The following AKAP7 variants were observed in gnomAD, a reference collection of about 807,000 sequenced individuals.
AKAP7 encodes the protein A-kinase anchoring protein 7.
AKAP7 carries 39 observed loss-of-function variants against 39.5 expected under a neutral mutation model. The observed-to-expected ratio is 0.99, with a 90% CI of 0.76 to 1.29. The LOEUF (loss-of-function observed/expected upper bound fraction) is 1.29, where lower values mean the gene tolerates loss of function less well. Among genes scored for constraint, AKAP7 ranks in the 50% most tolerant of loss-of-function variants. The probability of loss-of-function intolerance (pLI) is 0.00; values close to 1 mark genes in which losing one functional copy is unlikely to be tolerated. For synonymous variants in AKAP7, 140 were observed against 139.1 expected, an observed-to-expected ratio of 1.01 and a Z score of -0.05; for missense variants, 414 against 407.7, an observed-to-expected ratio of 1.02 and a Z score of -0.13.
chr6:131,160,034 G>C, intron 2 of AKAP7, 25 bp from the exon 3 acceptor site: 2 of 1,554,866 alleles, frequency 1.3e-6, no homozygotes, highest in Non-Finnish European at 1.7e-6. Flanking sequence ...TGTATTAGAC[G>C]TATTGTTTGA....
chr6:131,272,223 C>T (rs1585220018), intron 7 of AKAP7, among the ~76,000 whole-genome samples: 1 of 152,172 alleles, frequency 6.6e-6, no homozygotes, highest in East Asian at 1.9e-4. Flanking sequence ...TTCCACCCCC[C>T]ACTCCTGATA....
chr6:131,212,645 G>T (rs1353356267), intron 6 of AKAP7, among the ~76,000 whole-genome samples: 1 of 152,158 alleles, frequency 6.6e-6, no homozygotes, highest in Non-Finnish European at 1.5e-5. Flanking sequence ...TCCTCTGTTA[G>T]ACAGGGGCAT....
At chr6:131,235,155 G>A (rs1810942399) in intron 7 of AKAP7, among the ~76,000 whole-genome samples, 1 of 152,122 alleles carries the variant, frequency 6.6e-6, no homozygotes, top group Non-Finnish European at 1.5e-5. Context: ...AGAACCTGCG[G>A]TGTTTGGTTT....
At chr6:131,180,999 T>G (rs1296186085) in intron 5 of AKAP7, among the ~76,000 whole-genome samples, 1 of 152,068 alleles carries the variant, frequency 6.6e-6, no homozygotes, top group Non-Finnish European at 1.5e-5. Flanking sequence ...TTGCCTAGGC[T>G]GGAGTGCAGT....
chr6:131,164,460 T>G, intron 3 of AKAP7: 1 of 455,858 alleles, frequency 2.2e-6, no homozygotes, highest in South Asian at 1.6e-5. Context: ...TTCTCCTGGA[T>G]GCAGATTCTG....
At chr6:131,233,223 T>C (rs1488862604) in intron 7 of AKAP7, among the ~76,000 whole-genome samples, 2 of 152,004 alleles carry the variant, frequency 1.3e-5, no homozygotes, top group East Asian at 1.9e-4. Flanking sequence ...CAGTGAAACA[T>C]GGAGGAATTG....
intron 7 of AKAP7, among the ~76,000 whole-genome samples, chr6:131,262,900 G>A (rs1298727452): frequency 6.6e-6 from 1 of 152,228 alleles, no homozygotes; most frequent in Non-Finnish European, 1.5e-5. Context: ...TTAGATTGGA[G>A]TTAAACCTGC....
At chr6:131,156,864 T>A (rs1271995597) in intron 2 of AKAP7, among the ~76,000 whole-genome samples, 1 of 151,580 alleles carries the variant, frequency 6.6e-6, no homozygotes, top group African/African-American at 2.4e-5. Flanking sequence ...AAGCTCCGCC[T>A]CCCGGGTTCA....
chr6:131,243,205 G>C lies in AKAP7; in HGVS notation c.850+23397G>C, dbSNP rs935608296. Among the ~76,000 whole-genome samples, 3 of 152,186 alleles carry C rather than the reference G, an allele frequency of 2.0e-5. No individual in the cohort carries two copies. In the South Asian group the frequency reaches 6.2e-4, roughly 32 times the overall value. ...AGCTTATAGGATTATAGGAGATAAT[G>C]ACATTTCTTTATTTTTAAACCAGAT... On this transcript the variant is annotated intron_variant, in intron 7 of 7. Coordinates refer to ENST00000431975, the MANE Select transcript of AKAP7 (RefSeq NM_016377.4).
At chr6:131,135,413 G>C (rs1445811904), upstream of AKAP7, among the ~76,000 whole-genome samples, 2 of 151,780 alleles carry the variant, frequency 1.3e-5, no homozygotes, top group South Asian at 4.1e-4. Context: ...GCCCGAGCGC[G>C]TCCGCGCCTC....
upstream of AKAP7, among the ~76,000 whole-genome samples, chr6:131,133,531 T>C (rs944009489): frequency 6.6e-6 from 1 of 152,194 alleles, no homozygotes; most frequent in Non-Finnish European, 1.5e-5. Context: ...ACATGGTAGG[T>C]GTTGATAAGA....
At chr6:131,134,908 T>C (rs149219051), upstream of AKAP7, among the ~76,000 whole-genome samples, 16 of 152,350 alleles carry the variant, frequency 1.1e-4, no homozygotes, top group African/African-American at 3.8e-4. Context: ...TGAAAGGTTT[T>C]TATTTTTTTA....
intron 7 of AKAP7, among the ~76,000 whole-genome samples, chr6:131,237,300 C>T (rs1427405133): frequency 3.9e-5 from 6 of 152,100 alleles, no homozygotes; most frequent in African/African-American, 1.4e-4. Context: ...CTGCTGGATT[C>T]GGTTTGCCGG....
the AKAP7 span, among the ~76,000 whole-genome samples, chr6:131,126,901 A>G: frequency 1.3e-5 from 2 of 152,302 alleles, no homozygotes; most frequent in East Asian, 1.9e-4. Flanking sequence ...TATTTTTGCC[A>G]AAATAATTCA....
chr6:131,160,043 G>C lies in AKAP7; in HGVS notation c.152-16G>C, dbSNP rs757804727. The C allele has an allele frequency of 2.6e-6, 4 of 1,559,578 alleles. No homozygotes were observed. The highest frequency in any genetic ancestry group is 3.4e-6 in the Non-Finnish European group (4 of 1,159,838). On this transcript the variant is annotated splice_polypyrimidine_tract_variant and intron_variant, in intron 2 of 7. Transcript: ENST00000431975. ...TTTAAATGTATTAGACGTATTGTTT[G>C]ACTTTTTTCCTCTAGTCACTGATGA... is the stretch of plus-strand genomic sequence containing the variant.
chr6:131,137,254 A>G (rs12665541), intron 1 of AKAP7: 10,040 of 151,786 alleles, frequency 0.066, 599 homozygotes, highest in East Asian at 0.3. Context: ...CTCAGCTGGG[A>G]TAAATTTACT....
Position 131,173,794 on chromosome 6 carries a change from A to G in AKAP7, c.589+4521A>G, listed in dbSNP as rs545722923. On this transcript the variant is annotated intron_variant, in intron 5 of 7. Coordinates refer to ENST00000431975, the MANE Select transcript of AKAP7 (RefSeq NM_016377.4). Reference sequence around the variant, plus strand: ...AGACTTAGAGCTTTTCTTTGGTAATATAAATATCTCTGCACTCAAGAAACA... The same window carrying G: ...AGACTTAGAGCTTTTCTTTGGTAATGTAAATATCTCTGCACTCAAGAAACA... Among the ~76,000 whole-genome samples the G allele has an allele frequency of 1.6e-4, 24 of 152,338 alleles. No homozygotes were observed. The East Asian group carries it at 4.0e-3, about 26-fold the overall frequency.
chr6:131,273,934 CCTTTT>C (rs1237829505), intron 7 of AKAP7, among the ~76,000 whole-genome samples: 2 of 149,450 alleles, frequency 1.3e-5, no homozygotes, highest in African/African-American at 4.9e-5. Context: ...TTCTGTGTTG[CCTTTT>C]CTTTTTTTTT....
chr6:131,155,680 G>C (rs1362122385), intron 2 of AKAP7, among the ~76,000 whole-genome samples: 1 of 152,140 alleles, frequency 6.6e-6, no homozygotes, highest in Non-Finnish European at 1.5e-5. Context: ...CAGATATTTA[G>C]AATCGTGTTT....
Sources: gnomAD v4.1 joint callset for allele counts (sites outside exome capture counted in the v4.1 genomes callset) on GRCh38, gnomAD v4.1.1 for gene constraint, MANE v1.5 for transcripts, NCBI Gene and HGNC (gene_info 2026-07-23, HGNC 2026-07-21) for gene names.